Variants in BACH2 observed in about 807,000 individuals in gnomAD.
The protein encoded by BACH2 is BACH transcriptional regulator 2.
In BACH2, 5 loss-of-function variants were observed where a neutral mutation model predicts 61.8. The observed-to-expected ratio is 0.08, with a 90% CI of 0.04 to 0.17. The LOEUF is 0.17. BACH2 is among the 10% of genes least tolerant of loss of function. The pLI, the probability that BACH2 is intolerant of heterozygous loss-of-function variation, is 1.00. For missense variants in BACH2, 824 were observed against 1,091.1 expected, an observed-to-expected ratio of 0.76 and a Z score of 3.45; for synonymous variants, 446 against 440.1, an observed-to-expected ratio of 1.01 and a Z score of -0.17.
chr6:90,166,702 A>G (rs541985329), intron 4 of BACH2, among the ~76,000 whole-genome samples: 1 of 152,332 alleles, frequency 6.6e-6, no homozygotes, highest in East Asian at 1.9e-4. Flanking sequence ...TGGCACATAT[A>G]CACCATGGAA....
At chr6:90,029,698 A>G (rs1486551294) in intron 5 of BACH2, among the ~76,000 whole-genome samples, 5 of 152,158 alleles carry the variant, frequency 3.3e-5, no homozygotes, top group Non-Finnish European at 5.9e-5. Flanking sequence ...CCTAATCCCA[A>G]CAGGTCCATA....
intron 5 of BACH2, among the ~76,000 whole-genome samples, chr6:90,034,231 T>G (rs1779155099): frequency 6.6e-6 from 1 of 152,234 alleles, no homozygotes; most frequent in Non-Finnish European, 1.5e-5. Flanking sequence ...AGCATCTGAT[T>G]ACTTACAATT....
chr6:89,995,397 C>G (rs994307343), intron 6 of BACH2, among the ~76,000 whole-genome samples: 1 of 152,080 alleles, frequency 6.6e-6, no homozygotes, highest in African/African-American at 2.4e-5. Flanking sequence ...GGATGTGTGA[C>G]AAAGAGACAT....
chr6:89,992,909 T>C (rs1776657049), intron 6 of BACH2, among the ~76,000 whole-genome samples: 1 of 152,246 alleles, frequency 6.6e-6, no homozygotes. Flanking sequence ...TGATTCTATT[T>C]GGAGGCAGGG....
chr6:90,039,759 C>T (rs1025312763), intron 5 of BACH2, among the ~76,000 whole-genome samples: 1 of 152,116 alleles, frequency 6.6e-6, no homozygotes, highest in Admixed American at 6.5e-5. Context: ...ACAAAAAACC[C>T]CTGCCTGTTT....
intron 5 of BACH2, among the ~76,000 whole-genome samples, chr6:90,029,945 G>C (rs1047726323): frequency 6.6e-6 from 1 of 152,218 alleles, no homozygotes; most frequent in African/African-American, 2.4e-5. Flanking sequence ...GGCTTAGATT[G>C]ACACAGTGAA....
chr6:90,243,002 C>T (rs942183755), intron 3 of BACH2, among the ~76,000 whole-genome samples: 3 of 151,406 alleles, frequency 2.0e-5, no homozygotes, highest in African/African-American at 7.3e-5. Context: ...GTCTCAGCCT[C>T]CCGAGTCGCT....
intron 3 of BACH2, among the ~76,000 whole-genome samples, chr6:90,207,060 TAC>T (rs1211941889): frequency 3.3e-5 from 5 of 152,164 alleles, no homozygotes; most frequent in Non-Finnish European, 5.9e-5. Context: ...TCATATGAAT[TAC>T]ATTTTAGAGT....
chr6:90,289,123 TA>T (rs1033971972), intron 1 of BACH2, among the ~76,000 whole-genome samples: 1 of 152,230 alleles, frequency 6.6e-6, no homozygotes, highest in Admixed American at 6.5e-5. Context: ...TTTTTAACTT[TA>T]AGATAGATGT....
intron 6 of BACH2, among the ~76,000 whole-genome samples, chr6:89,995,463 T>C (rs1776793805): frequency 6.6e-6 from 1 of 152,198 alleles, no homozygotes; most frequent in Non-Finnish European, 1.5e-5. Flanking sequence ...AGAAGATACC[T>C]AACACCTGGC....
intron 5 of BACH2, among the ~76,000 whole-genome samples, chr6:90,043,934 C>CT (rs1779660510): frequency 6.6e-6 from 1 of 152,238 alleles, no homozygotes; most frequent in South Asian, 2.1e-4. Flanking sequence ...CTTTTTTCTT[C>CT]TTTTTTCCCT....
chr6:90,258,829 G>A (rs1771066480), intron 2 of BACH2, among the ~76,000 whole-genome samples: 1 of 151,766 alleles, frequency 6.6e-6, no homozygotes, highest in South Asian at 2.1e-4. Context: ...TGTTAAGTGG[G>A]ACCATTTTCT....
rs562262586 is a variant in BACH2, at chr6:90,210,805, A to G, written c.-274-4124T>C. Among the ~76,000 whole-genome samples the G allele has an allele frequency of 9.2e-5, 14 of 152,284 alleles. No homozygotes were observed. In the South Asian group the frequency reaches 2.9e-3, roughly 32 times the overall value. ...CTCAGCTGATCCTAACAGTTGGTTC[A>G]ATGGTCAATCTTAGACTTCTAAAAG... On this transcript the variant is annotated intron_variant, in intron 3 of 8. Transcript: ENST00000257749.
intron 5 of BACH2, chr6:90,062,840 G>T: frequency 1.3e-6 from 1 of 741,412 alleles, no homozygotes; most frequent in South Asian, 6.1e-5. Flanking sequence ...TGAGAGCAGT[G>T]TGGGTATTTC....
chr6:89,978,487 T>C (rs994633741), intron 6 of BACH2, among the ~76,000 whole-genome samples: 7 of 152,090 alleles, frequency 4.6e-5, no homozygotes, highest in African/African-American at 1.7e-4. Flanking sequence ...TTCTCGCTCA[T>C]AATTACAGTG....
At chr6:90,173,123 A>G (rs913950626) in intron 4 of BACH2, among the ~76,000 whole-genome samples, 3 of 151,924 alleles carry the variant, frequency 2.0e-5, no homozygotes, top group Non-Finnish European at 4.4e-5. Context: ...ATATTTAAAA[A>G]AAAAAACAAA....
intron 6 of BACH2, among the ~76,000 whole-genome samples, chr6:89,977,749 A>G (rs1157868620): frequency 1.3e-5 from 2 of 150,958 alleles, no homozygotes; most frequent in Non-Finnish European, 3.0e-5. Context: ...GTCATTGCTG[A>G]GATACAAGGC....
intron 4 of BACH2, among the ~76,000 whole-genome samples, chr6:90,161,531 T>C (rs1419631016): frequency 3.3e-5 from 5 of 152,076 alleles, no homozygotes; most frequent in African/African-American, 1.2e-4. Context: ...ATATAAACAA[T>C]AAAGTACACA....
Position 89,937,978 on chromosome 6 carries a change from C to T in BACH2, c.2043+166G>A, listed in dbSNP as rs191575655. The stretch of plus-strand genomic sequence containing the variant: ...AGACACACAAACACACACACACACA[C>T]GCACAGATGTAAAGCTATTATTTCT... On this transcript the variant is annotated intron_variant, in intron 8 of 8. Coordinates refer to ENST00000257749, the MANE Select transcript of BACH2 (RefSeq NM_021813.4). Among the ~76,000 whole-genome samples, 387 of 152,352 alleles carry T rather than the reference C, an allele frequency of 2.5e-3. 3 individuals are homozygous for T. Among genetic ancestry groups the T allele is most frequent in the Middle Eastern group, 6.8e-3 (2 of 294 alleles).
Sources: gnomAD v4.1 joint callset for allele counts (sites outside exome capture counted in the v4.1 genomes callset) on GRCh38, gnomAD v4.1.1 for gene constraint, MANE v1.5 for transcripts, NCBI Gene and HGNC (gene_info 2026-07-23, HGNC 2026-07-21) for gene names.